The following SLC23A2 variants were observed in gnomAD, a reference collection of about 807,000 sequenced individuals.
The protein encoded by SLC23A2 is solute carrier family 23 member 2.
Under a neutral mutation model 73.3 loss-of-function variants are expected in SLC23A2, and 36 were observed. That is an observed-to-expected ratio of 0.49 (90% CI 0.38 to 0.65). The LOEUF (loss-of-function observed/expected upper bound fraction) is 0.65. Ranked by LOEUF, SLC23A2 falls within the 30% of genes least tolerant of loss-of-function variation. The probability of loss-of-function intolerance (pLI) is 0.00; values close to 1 mark genes in which losing one functional copy is unlikely to be tolerated. For missense variants in SLC23A2, 507 were observed against 841.6 expected (o/e 0.60, Z 4.92); for synonymous variants, 343 against 327.3 (o/e 1.05, Z -0.52).
chr20:4,948,696 C>T (rs376925395), intron 2 of SLC23A2, among the ~76,000 whole-genome samples: 6 of 152,206 alleles, frequency 3.9e-5, no homozygotes, highest in African/African-American at 1.4e-4. Context: ...TATTCCATGC[C>T]TGTATGTTAT....
chr20:4,959,243 G>A (rs1408253803), intron 2 of SLC23A2, among the ~76,000 whole-genome samples: 1 of 151,456 alleles, frequency 6.6e-6, no homozygotes, highest in Non-Finnish European at 1.5e-5. Context: ...AATGGTGTAT[G>A]ACATACCTAT....
intron 4 of SLC23A2, among the ~76,000 whole-genome samples, chr20:4,908,030 A>G (rs1367084592): frequency 2.0e-5 from 3 of 152,218 alleles, no homozygotes; most frequent in Non-Finnish European, 4.4e-5. Context: ...CTAGAATGAA[A>G]AAGCTCCGTG....
intron 9 of SLC23A2, among the ~76,000 whole-genome samples, chr20:4,879,390 C>A (rs1395294741): frequency 2.2e-5 from 2 of 91,832 alleles, no homozygotes; most frequent in South Asian, 3.5e-4. Flanking sequence ...CCTGGGCAAC[C>A]AGAGTAAAAC....
chr20:4,938,081 AGT>A (rs2086988033), intron 2 of SLC23A2, among the ~76,000 whole-genome samples: 1 of 143,190 alleles, frequency 7.0e-6, no homozygotes, highest in Non-Finnish European at 1.5e-5. Context: ...CCCAAGCTGG[AGT>A]GCAGTGGCGC....
chr20:4,895,064 G>A (rs1386707589), intron 6 of SLC23A2, among the ~76,000 whole-genome samples: 1 of 152,236 alleles, frequency 6.6e-6, no homozygotes, highest in Non-Finnish European at 1.5e-5. Context: ...CTCAGCAAGA[G>A]GCAGTCAAAT....
chr20:4,933,025 A>G (rs900926923), intron 2 of SLC23A2, among the ~76,000 whole-genome samples: 1 of 152,218 alleles, frequency 6.6e-6, no homozygotes, highest in African/African-American at 2.4e-5. Flanking sequence ...CTCATAACCC[A>G]GCACTACCTA....
At chr20:4,904,435 C>G (rs1297126778) in intron 4 of SLC23A2, among the ~76,000 whole-genome samples, 1 of 150,328 alleles carries the variant, frequency 6.7e-6, no homozygotes, top group Non-Finnish European at 1.5e-5. Flanking sequence ...TGATTTTAAT[C>G]TGTATCCTTT....
intron 1 of SLC23A2, among the ~76,000 whole-genome samples, chr20:4,981,150 A>G (rs2087719860): frequency 6.6e-6 from 1 of 152,214 alleles, no homozygotes; most frequent in African/African-American, 2.4e-5. Context: ...TGATCTCCAA[A>G]CACCCTGCTC....
chr20:4,871,770 G>GT (rs1568604237), intron 11 of SLC23A2, among the ~76,000 whole-genome samples: 1 of 152,136 alleles, frequency 6.6e-6, no homozygotes, highest in African/African-American at 2.4e-5. Flanking sequence ...CCTGCTCAAC[G>GT]TATCAGCTCC....
intron 2 of SLC23A2, among the ~76,000 whole-genome samples, chr20:4,968,934 G>C (rs998002079): frequency 6.6e-6 from 1 of 151,682 alleles, no homozygotes; most frequent in African/African-American, 2.4e-5. Flanking sequence ...TGTTGGCCAG[G>C]CTGGTCTCGA....
chr20:4,895,120 C>T (rs548064241), intron 6 of SLC23A2, among the ~76,000 whole-genome samples: 111 of 152,354 alleles, frequency 7.3e-4, no homozygotes, highest in African/African-American at 2.5e-3. Flanking sequence ...GGAACCACTT[C>T]GGAGCTGGAG....
intron 9 of SLC23A2, among the ~76,000 whole-genome samples, chr20:4,878,869 A>G (rs754808198): frequency 4.6e-5 from 7 of 152,194 alleles, no homozygotes; most frequent in Non-Finnish European, 1.0e-4. Context: ...ATTATTTATG[A>G]AGTTGTGGAA....
intron 2 of SLC23A2, among the ~76,000 whole-genome samples, chr20:4,943,341 TGCTTAAGACTCACATGGGAAG>T (rs2087071817): frequency 6.6e-6 from 1 of 152,118 alleles, no homozygotes; most frequent in African/African-American, 2.4e-5. Flanking sequence ...GTGGCTCATG[TGCTTAAGACTCACATGGGAAG>T]CTTATTTAAA....
At chr20:4,973,379 A>T (rs2087594631) in intron 1 of SLC23A2, among the ~76,000 whole-genome samples, 1 of 152,210 alleles carries the variant, frequency 6.6e-6, no homozygotes, top group Non-Finnish European at 1.5e-5. Flanking sequence ...GAAAATTCTG[A>T]ATGGGGAAGC....
intron 1 of SLC23A2, among the ~76,000 whole-genome samples, chr20:4,999,398 T>C (rs988047957): frequency 1.3e-5 from 2 of 152,162 alleles, no homozygotes; most frequent in Non-Finnish European, 2.9e-5. Flanking sequence ...CTACATGTGC[T>C]TGCCTGCCCC....
intron 2 of SLC23A2, among the ~76,000 whole-genome samples, chr20:4,934,988 C>A (rs1198172536): frequency 6.6e-6 from 1 of 151,786 alleles, no homozygotes. Flanking sequence ...GAGATTGAGA[C>A]CATCCTGGCT....
At chr20:4,859,974 C>A (rs1266563065) in intron 15 of SLC23A2, among the ~76,000 whole-genome samples, 1 of 152,168 alleles carries the variant, frequency 6.6e-6, no homozygotes, top group African/African-American at 2.4e-5. Flanking sequence ...AACAGAAAAT[C>A]ATAGGCACTG....
At chr20:4,913,246 G>A (rs939722854) in intron 3 of SLC23A2, among the ~76,000 whole-genome samples, 1 of 152,196 alleles carries the variant, frequency 6.6e-6, no homozygotes, top group Non-Finnish European at 1.5e-5. Context: ...GTTTGTGGAC[G>A]AGGCCCAGGC....
chr20:4,933,204 G>A (rs1176832547), intron 2 of SLC23A2, among the ~76,000 whole-genome samples: 3 of 150,544 alleles, frequency 2.0e-5, no homozygotes, highest in African/African-American at 7.4e-5. Context: ...ACTATACTGG[G>A]CAATGCGGAT....
Sources: allele counts gnomAD v4.1 joint callset (sites outside exome capture counted in the v4.1 genomes callset), GRCh38; gene constraint gnomAD v4.1.1; transcripts MANE v1.5; gene names NCBI Gene and HGNC (gene_info 2026-07-23, HGNC 2026-07-21).